HDAC2: variants seen among roughly 807,000 people sequenced by gnomAD.
The protein encoded by HDAC2 is histone deacetylase 2.
HDAC2 carries 5 observed loss-of-function variants against 68.5 expected under a neutral mutation model. The ratio of observed to expected loss-of-function variants is 0.07; its 90% CI spans 0.04 to 0.15. HDAC2 has a LOEUF of 0.15. HDAC2 is among the 10% of genes least tolerant of loss of function. The pLI is 1.00. For missense variants in HDAC2, 291 were observed against 600.8 expected (o/e 0.48, Z 5.39); for synonymous variants, 182 against 191.3 (o/e 0.95, Z 0.40).
Position 113,941,815 on chromosome 6 carries a change from T to C in HDAC2, c.1379-50A>G, listed in dbSNP as rs1482666282. 3.6e-5 allele frequency: 21 copies of C among 581,376 alleles called. No homozygotes were observed. The East Asian group carries it at 7.3e-4, about 20-fold the overall frequency. 36.0% of individuals were successfully genotyped at this position (581,376 alleles called of 1,614,324 possible). ...TTAAAACCTATTTTGAAATATAAAATGTATATATATTATTTCAAAATATAC... is the reference window on the plus strand; with the variant it reads ...TTAAAACCTATTTTGAAATATAAAACGTATATATATTATTTCAAAATATAC... On this transcript the variant is annotated intron_variant, in intron 12 of 13. Transcript: ENST00000519065.
intron 1 of HDAC2, among the ~76,000 whole-genome samples, chr6:113,961,901 C>G (rs1478997454): frequency 3.3e-5 from 5 of 152,048 alleles, no homozygotes; most frequent in Admixed American, 2.6e-4. Flanking sequence ...AGAAAAGACA[C>G]AAACTAAACA....
intron 1 of HDAC2, 54 bp downstream of exon 1, chr6:113,970,803 G>C: frequency 6.8e-7 from 1 of 1,468,798 alleles, no homozygotes; most frequent in African/African-American, 1.5e-5. Context: ...CGGCAGCCGC[G>C]GAACCCAGCG....
intron 1 of HDAC2, among the ~76,000 whole-genome samples, chr6:113,963,289 T>G (rs1776734206): frequency 6.6e-6 from 1 of 151,894 alleles, no homozygotes; most frequent in African/African-American, 2.4e-5. Flanking sequence ...TCTCCATATT[T>G]GCCAGGCTTG....
intron 1 of HDAC2, among the ~76,000 whole-genome samples, chr6:113,961,288 C>T (rs1308881170): frequency 6.6e-6 from 1 of 152,078 alleles, no homozygotes; most frequent in Admixed American, 6.5e-5. Context: ...ACTTTTTTGT[C>T]CTCTCTCCTA....
intron 6 of HDAC2, among the ~76,000 whole-genome samples, chr6:113,952,167 C>A (rs1452881775): frequency 6.6e-6 from 1 of 152,174 alleles, no homozygotes; most frequent in Non-Finnish European, 1.5e-5. Flanking sequence ...TGATGCTGAT[C>A]TGCTTTCCTC....
intron 1 of HDAC2, chr6:113,970,451 G>A (rs537370849): frequency 1.7e-4 from 185 of 1,059,342 alleles, no homozygotes; most frequent in Admixed American, 1.2e-3. Flanking sequence ...GGTCGAGGGG[G>A]TAGGAGGCCG....
rs929981245 is a variant in HDAC2 at position 113,934,497 on chromosome 6, A to T, written c.*6561T>A. 6.6e-6 allele frequency: 1 copy of T among 152,244 alleles called. No homozygotes were observed. The highest frequency in any genetic ancestry group is 2.4e-5 in the African/African-American group (1 of 41,450). 9.4% of individuals were successfully genotyped at this position (152,244 alleles called of 1,614,324 possible). On this transcript the variant is annotated 3_prime_UTR_variant, in exon 14 of 14. Coordinates refer to ENST00000519065, the MANE Select transcript of HDAC2 (RefSeq NM_001527.4). ...TGCTCTAGATGATGATGGTGTTTTG[A>T]GGTCAGGTCGGAAGTACAAACAATT...
At chr6:113,952,571 A>T (rs1230607857) in intron 6 of HDAC2, among the ~76,000 whole-genome samples, 1 of 152,222 alleles carries the variant, frequency 6.6e-6, no homozygotes, top group African/African-American at 2.4e-5. Flanking sequence ...CATATAATCC[A>T]GGCTGAACTA....
At chr6:113,942,786 A>G (rs1392818436) in intron 12 of HDAC2, among the ~76,000 whole-genome samples, 1 of 152,176 alleles carries the variant, frequency 6.6e-6, no homozygotes, top group East Asian at 1.9e-4. Context: ...AATTGCCTAA[A>G]GCTAACACAG....
intron 1 of HDAC2, among the ~76,000 whole-genome samples, chr6:113,966,805 GAA>G (rs1337092664): frequency 6.6e-6 from 1 of 152,142 alleles, no homozygotes; most frequent in Admixed American, 6.5e-5. Context: ...AAATTTGAAA[GAA>G]AAGAGAGGCA....
intron 2 of HDAC2, 56 bp from the exon 3 acceptor site, chr6:113,958,822 T>A: frequency 2.0e-6 from 2 of 988,676 alleles, no homozygotes; most frequent in Non-Finnish European, 3.2e-6. Flanking sequence ...ATATCAGTAT[T>A]ATCAAACAAA....
chr6:113,970,571 T>C, intron 1 of HDAC2: 1 of 1,253,326 alleles, frequency 8.0e-7, no homozygotes, highest in South Asian at 2.9e-5. Flanking sequence ...GCCGGCGCCG[T>C]CCCCAGCGGC....
In HDAC2 at chr6:113,970,983, G is replaced by A; in HGVS notation, c.-75C>T. Reference sequence around the variant, plus strand: ...CTGCTGCTGCTGCCGCCGCGGCTCGGCCGGGAGAGAAAAGGGCTGAGGGAA... The same window carrying A: ...CTGCTGCTGCTGCCGCCGCGGCTCGACCGGGAGAGAAAAGGGCTGAGGGAA... On this transcript the variant is annotated 5_prime_UTR_variant, in exon 1 of 14. Coordinates refer to ENST00000519065, the MANE Select transcript of HDAC2 (RefSeq NM_001527.4). 3 of 1,570,862 alleles carry A rather than the reference G, an allele frequency of 1.9e-6. No homozygotes were observed. The highest frequency in any genetic ancestry group is 1.2e-5 in the South Asian group (1 of 86,638).
chr6:113,955,501 G>A (rs1457249808), intron 5 of HDAC2, among the ~76,000 whole-genome samples: 1 of 152,074 alleles, frequency 6.6e-6, no homozygotes, highest in Admixed American at 6.5e-5. Context: ...ATGAGCCACG[G>A]CACTGGCCTT....
intron 12 of HDAC2, among the ~76,000 whole-genome samples, chr6:113,942,369 A>G (rs1253323194): frequency 2.0e-5 from 3 of 151,998 alleles, no homozygotes; most frequent in Non-Finnish European, 4.4e-5. Flanking sequence ...TTGAGGAGTG[A>G]ATCCACAAGT....
chr6:113,956,185 A>C, intron 4 of HDAC2, 34 bp from the exon 5 acceptor site: 14 of 1,548,864 alleles, frequency 9.0e-6, no homozygotes, highest in Non-Finnish European at 9.6e-6. Context: ...CCTTTTAAAC[A>C]TTTATCATAA....
intron 1 of HDAC2, among the ~76,000 whole-genome samples, chr6:113,965,964 C>T (rs1411412731): frequency 1.3e-5 from 2 of 152,084 alleles, no homozygotes; most frequent in Non-Finnish European, 2.9e-5. Flanking sequence ...AAGGACTTGT[C>T]AACAGAAGCA....
chr6:113,965,935 A>G (rs1350395794), intron 1 of HDAC2, among the ~76,000 whole-genome samples: 1 of 152,252 alleles, frequency 6.6e-6, no homozygotes, highest in Non-Finnish European at 1.5e-5. Flanking sequence ...GCCTTCTCCA[A>G]TCCCAAGTGT....
At chr6:113,966,618 TAC>T (rs1445544848) in intron 1 of HDAC2, among the ~76,000 whole-genome samples, 4 of 146,464 alleles carry the variant, frequency 2.7e-5, no homozygotes, top group Non-Finnish European at 6.0e-5. Flanking sequence ...AAAAAAAAGC[TAC>T]GTTTTTAAAT....
Sources: allele counts gnomAD v4.1 joint callset (sites outside exome capture counted in the v4.1 genomes callset), GRCh38; gene constraint gnomAD v4.1.1; transcripts MANE v1.5; gene names NCBI Gene and HGNC (gene_info 2026-07-23, HGNC 2026-07-21).